NEK7: variants seen among roughly 807,000 people sequenced by gnomAD.
NEK7 encodes the protein serine/threonine-protein kinase Nek7.
A neutral mutation model predicts 44.6 loss-of-function variants in NEK7; 18 were observed. The ratio of observed to expected loss-of-function variants is 0.40; its 90% CI spans 0.28 to 0.60. The LOEUF (loss-of-function observed/expected upper bound fraction) is 0.60, where lower values mean the gene tolerates loss of function less well. Among genes scored for constraint, NEK7 ranks in the 20% least tolerant of loss-of-function variants. The pLI is 0.38. For missense variants in NEK7, 256 were observed against 366.5 expected (o/e 0.70, Z 2.46); for synonymous variants, 130 against 121.1 (o/e 1.07, Z -0.48).
intron 2 of NEK7, 26 bp from the exon 3 acceptor site, chr1:198,253,014 A>G: frequency 6.3e-7 from 1 of 1,593,644 alleles, no homozygotes; most frequent in Non-Finnish European, 8.6e-7. Flanking sequence ...TGTGATTGAA[A>G]ATTTTTCTGA....
intron 1 of NEK7, among the ~76,000 whole-genome samples, chr1:198,217,032 A>T (rs2102833355): frequency 6.6e-6 from 1 of 152,208 alleles, no homozygotes; most frequent in Non-Finnish European, 1.5e-5. Flanking sequence ...CATTCAAGGA[A>T]GAATTAGTAC....
chr1:198,163,548 C>T (rs947490210), intron 1 of NEK7, among the ~76,000 whole-genome samples: 1 of 151,958 alleles, frequency 6.6e-6, no homozygotes, highest in African/African-American at 2.4e-5. Context: ...AAAAGAGACA[C>T]CTAGAATAGG....
At chr1:198,304,718 CA>C (rs1182492747) in intron 9 of NEK7, among the ~76,000 whole-genome samples, 1 of 152,130 alleles carries the variant, frequency 6.6e-6, no homozygotes, top group Non-Finnish European at 1.5e-5. Context: ...TTTCTGGTAT[CA>C]ACCTATTTGC....
At chr1:198,238,058 G>A (rs1272160893) in intron 2 of NEK7, among the ~76,000 whole-genome samples, 1 of 152,086 alleles carries the variant, frequency 6.6e-6, no homozygotes, top group African/African-American at 2.4e-5. Context: ...TATGAGCCCT[G>A]CTTTTAAAAT....
intron 1 of NEK7, among the ~76,000 whole-genome samples, chr1:198,177,955 A>C (rs1035758898): frequency 6.6e-6 from 1 of 152,134 alleles, no homozygotes; most frequent in Non-Finnish European, 1.5e-5. Flanking sequence ...GCACAGAAAC[A>C]TAAGAATTAA....
At chr1:198,199,965 T>G (rs1665375079) in intron 1 of NEK7, among the ~76,000 whole-genome samples, 1 of 152,178 alleles carries the variant, frequency 6.6e-6, no homozygotes, top group Non-Finnish European at 1.5e-5. Flanking sequence ...TTTTCTATTG[T>G]TCCAACTGCT....
intron 1 of NEK7, among the ~76,000 whole-genome samples, chr1:198,226,229 A>G (rs1453350412): frequency 6.6e-6 from 1 of 152,162 alleles, no homozygotes; most frequent in Non-Finnish European, 1.5e-5. Context: ...GTAAACACTG[A>G]CATATTCTAT....
intron 1 of NEK7, chr1:198,197,931 G>A (rs1283371901): frequency 7.6e-6 from 11 of 1,454,178 alleles, no homozygotes; most frequent in Non-Finnish European, 9.5e-6. Context: ...GGATTCACAG[G>A]AGGCATCCAG....
chr1:198,236,288 A>T (rs1358459775), intron 2 of NEK7, among the ~76,000 whole-genome samples: 2 of 152,182 alleles, frequency 1.3e-5, no homozygotes, highest in Non-Finnish European at 2.9e-5. Flanking sequence ...GGCATTGAGT[A>T]GAGTGCTTCT....
At chr1:198,214,942 A>G (rs1330420643) in intron 1 of NEK7, among the ~76,000 whole-genome samples, 2 of 152,178 alleles carry the variant, frequency 1.3e-5, no homozygotes. Flanking sequence ...AGCATCAGGT[A>G]ACCTACAATG....
intron 2 of NEK7, among the ~76,000 whole-genome samples, chr1:198,233,769 G>A (rs1666469117): frequency 8.0e-6 from 1 of 125,186 alleles, no homozygotes; most frequent in South Asian, 2.4e-4. Flanking sequence ...TTTTTTTAGT[G>A]CATCTATTGA....
chr1:198,263,813 G>A (rs903122153), intron 4 of NEK7, among the ~76,000 whole-genome samples: 5 of 151,756 alleles, frequency 3.3e-5, no homozygotes, highest in Admixed American at 1.3e-4. Flanking sequence ...AGCAGTTGGC[G>A]ACCTAATTCT....
intron 1 of NEK7, among the ~76,000 whole-genome samples, chr1:198,192,819 G>T (rs1665118065): frequency 6.6e-6 from 1 of 152,006 alleles, no homozygotes; most frequent in Non-Finnish European, 1.5e-5. Flanking sequence ...GCAGTGTTAA[G>T]AATGAAATTT....
intron 1 of NEK7, among the ~76,000 whole-genome samples, chr1:198,195,540 G>T (rs1206409979): frequency 6.6e-6 from 1 of 152,132 alleles, no homozygotes; most frequent in Non-Finnish European, 1.5e-5. Flanking sequence ...CTGAATATGG[G>T]CCAGGCGTGG....
chr1:198,234,869 A>G (rs1362848785), intron 2 of NEK7, among the ~76,000 whole-genome samples: 1 of 152,180 alleles, frequency 6.6e-6, no homozygotes. Flanking sequence ...ATTCACACTG[A>G]TGGTGTGAGA....
chr1:198,164,257 C>T (rs1173393915), intron 1 of NEK7, among the ~76,000 whole-genome samples: 2 of 152,168 alleles, frequency 1.3e-5, no homozygotes, highest in East Asian at 1.9e-4. Context: ...CAGAATGTCC[C>T]AGTACCAGGC....
intron 9 of NEK7, among the ~76,000 whole-genome samples, chr1:198,313,934 T>C (rs1421868762): frequency 6.6e-6 from 1 of 151,618 alleles, no homozygotes; most frequent in Non-Finnish European, 1.5e-5. Context: ...TCTCGAGGAG[T>C]ATCTTTGTGG....
Position 198,314,261 on chromosome 1 carries a change from C to T in NEK7, c.799-5151C>T, listed in dbSNP as rs528919557. On this transcript the variant is annotated intron_variant, in intron 9 of 9. Transcript: ENST00000367385. ...GCTTCTGCATTCTTCACGTAGTTCT[C>T]GAGCCTTGGTTTTCAGCTCCATCAG... Among the ~76,000 whole-genome samples the T allele has an allele frequency of 3.9e-5, 6 of 152,262 alleles. No individual in the cohort carries two copies. The South Asian group carries it at 1.0e-3, about 26-fold the overall frequency.
rs142684769 is a variant in NEK7 at position 198,266,331 on chromosome 1, C to T, written c.372+2096C>T. Among the ~76,000 whole-genome samples, 31 of 151,996 alleles carry T rather than the reference C, an allele frequency of 2.0e-4. No individual in the cohort carries two copies. The East Asian group carries it at 6.0e-3, about 29-fold the overall frequency. Reference sequence around the variant, plus strand: ...GATAATAGCTATTGCCAAATTAGTCCCTTAAATAGTTAGTACCAATTTGTA... The same window carrying T: ...GATAATAGCTATTGCCAAATTAGTCTCTTAAATAGTTAGTACCAATTTGTA... On this transcript the variant is annotated intron_variant, in intron 5 of 9. Transcript: ENST00000367385.
Sources: allele counts gnomAD v4.1 joint callset (sites outside exome capture counted in the v4.1 genomes callset), GRCh38; gene constraint gnomAD v4.1.1; transcripts MANE v1.5; gene names NCBI Gene and HGNC (gene_info 2026-07-23, HGNC 2026-07-21).